The following ZHX2 variants were observed in gnomAD, a reference collection of about 807,000 sequenced individuals.
ZHX2 encodes the protein zinc fingers and homeoboxes 2, also known as zinc fingers and homeoboxes protein 2.
Under a neutral mutation model 21.9 loss-of-function variants are expected in ZHX2, and 6 were observed. The observed-to-expected ratio is 0.27, with a 90% confidence interval of 0.15 to 0.54. ZHX2 has a LOEUF of 0.54. Among genes scored for constraint, ZHX2 ranks in the 20% least tolerant of loss-of-function variants. The pLI is 0.95. For synonymous variants in ZHX2, 434 were observed against 437.1 expected, an observed-to-expected ratio of 0.99 and a Z score of 0.09; for missense variants, 908 against 1,090.7, an observed-to-expected ratio of 0.83 and a Z score of 2.36.
chr8:122,905,134 C>T (rs922660604), intron 2 of ZHX2, among the ~76,000 whole-genome samples: 1 of 152,174 alleles, frequency 6.6e-6, no homozygotes, highest in South Asian at 2.1e-4. Context: ...AAGAACCACT[C>T]GAAGAAATAA....
intron 2 of ZHX2, among the ~76,000 whole-genome samples, chr8:122,864,631 C>T (rs979466290): frequency 6.6e-6 from 1 of 152,102 alleles, no homozygotes. Flanking sequence ...TGGCAAGACT[C>T]ACCCACCCCC....
At chr8:122,850,615 G>A (rs1314294514) in intron 1 of ZHX2, among the ~76,000 whole-genome samples, 7 of 144,268 alleles carry the variant, frequency 4.9e-5, no homozygotes, top group Non-Finnish European at 7.5e-5. Context: ...ACTCCAGCCT[G>A]GGCAAGAAAG....
intron 2 of ZHX2, among the ~76,000 whole-genome samples, chr8:122,870,784 C>T (rs188551732): frequency 2.2e-4 from 33 of 152,056 alleles, no homozygotes; most frequent in Non-Finnish European, 4.4e-4. Context: ...AAGGAGTGAC[C>T]CTCTCAACTG....
intron 2 of ZHX2, among the ~76,000 whole-genome samples, chr8:122,920,344 C>CT (rs11335946): frequency 0.015 from 2,165 of 148,650 alleles, 51 homozygotes; most frequent in Admixed American, 0.057. Flanking sequence ...CATTTTTCTG[C>CT]TTTTTTTTTT....
intron 3 of ZHX2, among the ~76,000 whole-genome samples, chr8:122,970,691 T>C (rs1244749926): frequency 2.0e-5 from 3 of 152,144 alleles, no homozygotes; most frequent in African/African-American, 7.2e-5. Flanking sequence ...CAGGGGGACA[T>C]CCAATCAGTG....
rs552190151 is a variant in ZHX2 at position 122,799,163 on chromosome 8, G to C, written c.-283+17217G>C. ...ATGACAGAATGTTTCACCACTCCCA[G>C]CCCTTTTGATCATAAGCCTCTTCTT... On this transcript the variant is annotated intron_variant, in intron 1 of 3. Transcript: ENST00000314393. 5.9e-5 allele frequency among the ~76,000 whole-genome samples: 9 copies of C among 152,286 alleles called. No homozygotes were observed. The East Asian group carries it at 1.7e-3, about 29-fold the overall frequency.
intron 1 of ZHX2, chr8:122,807,893 C>G (rs991321337): frequency 1.3e-5 from 2 of 152,188 alleles, no homozygotes; most frequent in African/African-American, 4.8e-5. Flanking sequence ...GTGCTTACTC[C>G]CTCTTTATTA....
chr8:122,815,714 A>G (rs1818016098), intron 1 of ZHX2: 1 of 152,332 alleles, frequency 6.6e-6, no homozygotes, highest in Non-Finnish European at 1.5e-5. Flanking sequence ...GTAAGATGCT[A>G]TCAAACAGCA....
chr8:122,962,966 C>T (rs10088479), intron 3 of ZHX2, among the ~76,000 whole-genome samples: 96,934 of 151,824 alleles, frequency 0.64, 31,825 homozygotes, highest in African/African-American at 0.8. Context: ...CCACTTTATG[C>T]GGGATTGTTT....
At chr8:122,846,868 C>A (rs1346163798) in intron 1 of ZHX2, among the ~76,000 whole-genome samples, 1 of 151,992 alleles carries the variant, frequency 6.6e-6, no homozygotes, top group Non-Finnish European at 1.5e-5. Flanking sequence ...TCATGAAAAT[C>A]TAAGGTAAGA....
intron 2 of ZHX2, among the ~76,000 whole-genome samples, chr8:122,933,275 A>G (rs1037936012): frequency 6.6e-6 from 1 of 152,242 alleles, no homozygotes; most frequent in Non-Finnish European, 1.5e-5. Context: ...TGTCGATATT[A>G]TAAATCCCTG....
chr8:122,838,731 C>T (rs1438233518), intron 1 of ZHX2, among the ~76,000 whole-genome samples: 2 of 151,992 alleles, frequency 1.3e-5, no homozygotes, highest in East Asian at 1.9e-4. Context: ...GCACGTGCCA[C>T]TACACCCAGC....
At chr8:122,916,020 C>T (rs1412210334) in intron 2 of ZHX2, among the ~76,000 whole-genome samples, 1 of 152,216 alleles carries the variant, frequency 6.6e-6, no homozygotes, top group East Asian at 1.9e-4. Flanking sequence ...GGCCATCTCT[C>T]ACCCAAGTCC....
intron 1 of ZHX2, among the ~76,000 whole-genome samples, chr8:122,789,824 C>T (rs1339771220): frequency 6.6e-6 from 1 of 152,184 alleles, no homozygotes; most frequent in Non-Finnish European, 1.5e-5. Context: ...TGTAGAACTG[C>T]CTGTTACTTT....
At chr8:122,968,615 G>A (rs997995739) in intron 3 of ZHX2, among the ~76,000 whole-genome samples, 1 of 152,108 alleles carries the variant, frequency 6.6e-6, no homozygotes, top group Non-Finnish European at 1.5e-5. Flanking sequence ...AAGGCGGGTG[G>A]GTTACCTGAG....
rs569056879 is a variant in ZHX2 at position 122,931,252 on chromosome 8, G to A, written c.-219-20040G>A. On this transcript the variant is annotated intron_variant, in intron 2 of 3. Transcript: ENST00000314393. ...CACGCCTGGCGCCTCCAGGAGCCAC[G>A]AGTATTATGCAGGGCTCGTACACTG... is the stretch of plus-strand genomic sequence containing the variant. 9.9e-4 allele frequency among the ~76,000 whole-genome samples: 150 copies of A among 152,266 alleles called. 1 individual carries two copies. Among genetic ancestry groups the A allele is most frequent in the Non-Finnish European group, 1.7e-3 (116 of 68,026 alleles).
chr8:122,961,470 T>C (rs1017736569), intron 3 of ZHX2, among the ~76,000 whole-genome samples: 1 of 152,208 alleles, frequency 6.6e-6, no homozygotes, highest in African/African-American at 2.4e-5. Flanking sequence ...GCCCCTTGTA[T>C]TAGGCTGTTT....
intron 3 of ZHX2, among the ~76,000 whole-genome samples, chr8:122,968,397 C>G (rs532773152): frequency 6.6e-6 from 1 of 152,290 alleles, no homozygotes; most frequent in South Asian, 2.1e-4. Flanking sequence ...GGTGTACAGA[C>G]AATTTGGGAT....
intron 1 of ZHX2, among the ~76,000 whole-genome samples, chr8:122,838,607 A>G (rs1200728003): frequency 1.6e-5 from 2 of 127,390 alleles, no homozygotes; most frequent in African/African-American, 6.1e-5. Flanking sequence ...GACAGAGTTC[A>G]CTCTGTCACC....
Sources: gnomAD v4.1 joint callset for allele counts (sites outside exome capture counted in the v4.1 genomes callset) on GRCh38, gnomAD v4.1.1 for gene constraint, MANE v1.5 for transcripts, NCBI Gene and HGNC (gene_info 2026-07-23, HGNC 2026-07-21) for gene names.